The following ST18 variants were observed in gnomAD, a reference collection of about 807,000 sequenced individuals.
ST18 encodes suppression of tumorigenicity 18 protein.
ST18 carries 50 observed loss-of-function variants against 110.0 expected under a neutral mutation model. That is an observed-to-expected ratio of 0.45 (90% CI 0.36 to 0.58). ST18 has a LOEUF of 0.58. Ranked by LOEUF, ST18 falls within the 20% of genes least tolerant of loss-of-function variation. The probability of loss-of-function intolerance (pLI) is 0.00; values close to 1 mark genes in which losing one functional copy is unlikely to be tolerated. For missense variants in ST18, 1,306 were observed against 1,280.1 expected (o/e 1.02, Z -0.31); for synonymous variants, 461 against 452.4 (o/e 1.02, Z -0.24).
chr8:52,335,204 C>T (rs761424945), intron 2 of ST18, among the ~76,000 whole-genome samples: 102 of 152,282 alleles, frequency 6.7e-4, no homozygotes, highest in Non-Finnish European at 1.2e-3. Context: ...AAATGGAATG[C>T]AAGCTCTCTA....
At chr8:52,380,078 A>T (rs1324370399) in intron 2 of ST18, among the ~76,000 whole-genome samples, 2 of 152,204 alleles carry the variant, frequency 1.3e-5, no homozygotes, top group Non-Finnish European at 2.9e-5. Context: ...TGGGACCCAT[A>T]CAAATTATCA....
chr8:52,305,926 C>T (rs2139618289), intron 2 of ST18, among the ~76,000 whole-genome samples: 1 of 152,356 alleles, frequency 6.6e-6, no homozygotes, highest in African/African-American at 2.4e-5. Flanking sequence ...TCAGATAAAG[C>T]ACCTTGCAAA....
intron 2 of ST18, among the ~76,000 whole-genome samples, chr8:52,396,807 G>C (rs1431738963): frequency 1.3e-5 from 2 of 152,130 alleles, no homozygotes; most frequent in African/African-American, 4.8e-5. Flanking sequence ...TTCAAGATGA[G>C]ATTTGGGTGG....
intron 16 of ST18, among the ~76,000 whole-genome samples, chr8:52,149,290 A>G (rs889520237): frequency 2.0e-5 from 3 of 152,252 alleles, no homozygotes; most frequent in African/African-American, 7.2e-5. Flanking sequence ...GTATGCTAAC[A>G]CAGTCCCTTC....
chr8:52,357,707 ATATATATATATATATATATAT>A (rs1823611478), intron 2 of ST18, among the ~76,000 whole-genome samples: 1 of 86,512 alleles, frequency 1.2e-5, no homozygotes, highest in Non-Finnish European at 2.1e-5. Flanking sequence ...ATATATATAT[ATATATATATATATATATATAT>A]ATAAAACAGA....
intron 2 of ST18, among the ~76,000 whole-genome samples, chr8:52,300,799 A>G (rs2095709123): frequency 6.6e-6 from 1 of 152,154 alleles, no homozygotes; most frequent in South Asian, 2.1e-4. Context: ...TGGCCCACAG[A>G]GCCTAATATT....
chr8:52,139,268 G>T lies in ST18; in HGVS notation c.2169-1785C>A, dbSNP rs190753832. 4.5e-3 allele frequency among the ~76,000 whole-genome samples: 677 copies of T among 152,038 alleles called. 9 individuals are homozygous for T. The highest frequency in any genetic ancestry group is 0.015 in the African/African-American group (626 of 41,492). The stretch of plus-strand genomic sequence containing the variant: ...AGAGTGAGAGGTGTTTCAATTGCCT[G>T]GGAATTCCCACTTTAGAAATACATC... On this transcript the variant is annotated intron_variant, in intron 17 of 25. Coordinates refer to ENST00000689386, the MANE Select transcript of ST18 (RefSeq NM_001352837.2).
chr8:52,130,184 C>T (rs1165502220), intron 22 of ST18, among the ~76,000 whole-genome samples: 1 of 132,908 alleles, frequency 7.5e-6, no homozygotes, highest in Admixed American at 7.8e-5. Flanking sequence ...GAAAATAGTA[C>T]CTTGGCATTA....
At chr8:52,377,892 T>C (rs964319466) in intron 2 of ST18, among the ~76,000 whole-genome samples, 2 of 152,158 alleles carry the variant, frequency 1.3e-5, no homozygotes, top group African/African-American at 4.8e-5. Flanking sequence ...GTGGTACATA[T>C]ACACAATGGA....
intron 2 of ST18, among the ~76,000 whole-genome samples, chr8:52,284,387 T>G (rs1179448172): frequency 1.3e-5 from 2 of 152,180 alleles, no homozygotes; most frequent in African/African-American, 4.8e-5. Context: ...TCTATGTGGA[T>G]GTTGAAATCA....
At chr8:52,284,143 T>G (rs532146886) in intron 2 of ST18, among the ~76,000 whole-genome samples, 28 of 152,250 alleles carry the variant, frequency 1.8e-4, no homozygotes, top group Admixed American at 2.6e-4. Flanking sequence ...CAAAGTGGTG[T>G]GCATGGAGGT....
At chr8:52,174,336 ATAATTTTAAAG>A (rs1325522945) in intron 9 of ST18, among the ~76,000 whole-genome samples, 1 of 152,266 alleles carries the variant, frequency 6.6e-6, no homozygotes, top group Non-Finnish European at 1.5e-5. Flanking sequence ...AAGGGTTATG[ATAATTTTAAAG>A]TATTATGAAC....
chr8:52,382,548 T>C (rs887456859), intron 2 of ST18, among the ~76,000 whole-genome samples: 3 of 152,228 alleles, frequency 2.0e-5, no homozygotes, highest in African/African-American at 7.2e-5. Context: ...TCTTTTTGTA[T>C]AGCAGAACAG....
chr8:52,208,463 G>A (rs1315662448), intron 8 of ST18, among the ~76,000 whole-genome samples: 1 of 152,216 alleles, frequency 6.6e-6, no homozygotes, highest in Non-Finnish European at 1.5e-5. Flanking sequence ...ATATGAATCA[G>A]TACTTTTCTC....
intron 2 of ST18, among the ~76,000 whole-genome samples, chr8:52,350,448 T>A (rs1307008032): frequency 6.6e-6 from 1 of 152,114 alleles, no homozygotes; most frequent in Admixed American, 6.5e-5. Context: ...AAATTGTAGG[T>A]CATGGCCCCA....
At chr8:52,406,629 C>T (rs888221535) in intron 2 of ST18, 1 of 152,278 alleles carries the variant, frequency 6.6e-6, no homozygotes, top group Non-Finnish European at 1.5e-5. Context: ...AGGCAGCCAG[C>T]TGAGGTCTTA....
chr8:52,266,261 C>T (rs911969979), intron 2 of ST18, among the ~76,000 whole-genome samples: 8 of 152,156 alleles, frequency 5.3e-5, no homozygotes, highest in Non-Finnish European at 8.8e-5. Context: ...TCTGATGGAT[C>T]TTTCAGGATG....
At chr8:52,118,302 T>C (rs925807525) in intron 24 of ST18, 36 bp downstream of exon 24, 11 of 1,372,948 alleles carry the variant, frequency 8.0e-6, no homozygotes, top group Non-Finnish European at 1.1e-5. Flanking sequence ...AAGATTATGA[T>C]TACATTAAGG....
chr8:52,217,074 A>G (rs540389102), intron 6 of ST18, among the ~76,000 whole-genome samples: 2 of 152,338 alleles, frequency 1.3e-5, no homozygotes, highest in East Asian at 3.9e-4. Context: ...AGAAGACTTG[A>G]TCGTCTTTAC....
Sources: allele counts gnomAD v4.1 joint callset (sites outside exome capture counted in the v4.1 genomes callset), GRCh38; gene constraint gnomAD v4.1.1; transcripts MANE v1.5; gene names NCBI Gene and HGNC (gene_info 2026-07-23, HGNC 2026-07-21).